The following PLAG1 variants were observed in gnomAD, a reference collection of about 807,000 sequenced individuals.
PLAG1 encodes the protein PLAG1 zinc finger.
A neutral mutation model predicts 35.5 loss-of-function variants in PLAG1; 7 were observed. That is an observed-to-expected ratio of 0.20 (90% confidence interval 0.11 to 0.37). The LOEUF (loss-of-function observed/expected upper bound fraction) is 0.37. Ranked by LOEUF, PLAG1 falls within the 10% of genes least tolerant of loss-of-function variation. The pLI is 1.00. For missense variants in PLAG1, 454 were observed against 602.8 expected (o/e 0.75, Z 2.58); for synonymous variants, 229 against 225.4 (o/e 1.02, Z -0.14).
intron 1 of PLAG1, among the ~76,000 whole-genome samples, chr8:56,199,229 A>T (rs898210527): frequency 1.3e-5 from 2 of 152,220 alleles, no homozygotes; most frequent in Non-Finnish European, 2.9e-5. Flanking sequence ...GAGGTGCCAG[A>T]GAAGGAACAG....
rs1032293714 is a variant in PLAG1, at chr8:56,203,559, C to T, written c.-322+7562G>A. Among the ~76,000 whole-genome samples the T allele has an allele frequency of 2.6e-5, 4 of 152,140 alleles. No individual in the cohort carries two copies. In the South Asian group the frequency reaches 8.3e-4, roughly 32 times the overall value. ...TTAAATCAGTTATTTGTTTGTATGACAGTAGCCCTGAGAATGCTCACGTTT... is the reference window on the plus strand; with the variant it reads ...TTAAATCAGTTATTTGTTTGTATGATAGTAGCCCTGAGAATGCTCACGTTT... On this transcript the variant is annotated intron_variant, in intron 1 of 4. Coordinates refer to ENST00000316981, the MANE Select transcript of PLAG1 (RefSeq NM_002655.3).
chr8:56,210,765 CAG>C (rs1477379824), intron 1 of PLAG1, among the ~76,000 whole-genome samples: 1 of 151,480 alleles, frequency 6.6e-6, no homozygotes, highest in East Asian at 1.9e-4. Flanking sequence ...TTCACAGCAC[CAG>C]AGAGGAGGAG....
At position 56,189,412 on chromosome 8, in the gene PLAG1, G is replaced by A. The variant is rs186684875; in HGVS notation, c.-321-9899C>T. Among the ~76,000 whole-genome samples the A allele has an allele frequency of 3.3e-5, 5 of 152,260 alleles. No homozygotes were observed. The East Asian group carries it at 9.6e-4, about 29-fold the overall frequency. ...TCCAGAAAGTTCGTCTTCCCCAACAGACCAGTATAGACCCCCTATCTGCAC... is the reference window on the plus strand; with the variant it reads ...TCCAGAAAGTTCGTCTTCCCCAACAAACCAGTATAGACCCCCTATCTGCAC... On this transcript the variant is annotated intron_variant, in intron 1 of 4. Coordinates refer to ENST00000316981, the MANE Select transcript of PLAG1 (RefSeq NM_002655.3).
intron 1 of PLAG1, among the ~76,000 whole-genome samples, chr8:56,200,414 T>C (rs571658548): frequency 2.0e-5 from 3 of 152,372 alleles, no homozygotes; most frequent in African/African-American, 4.8e-5. Context: ...CGGAGACCTC[T>C]GCGTGCAGCG....
chr8:56,163,565 G>A lies in PLAG1; in HGVS notation c.*2678C>T, dbSNP rs1811268929. 5.0e-6 allele frequency: 1 copy of A among 199,436 alleles called. No individual in the cohort carries two copies. Among genetic ancestry groups the A allele is most frequent in the African/African-American group, 2.3e-5 (1 of 43,300 alleles). 12.4% of individuals were successfully genotyped at this position (199,436 alleles called of 1,614,324 possible). On this transcript the variant is annotated 3_prime_UTR_variant, in exon 5 of 5. Coordinates refer to ENST00000316981, the MANE Select transcript of PLAG1 (RefSeq NM_002655.3). ...TGGGGGTGGGAACAGGCAAAGAGGT[G>A]TACACATGAAAATTAAGACTCCAAA...
chr8:56,195,192 A>AC (rs1812324233), intron 1 of PLAG1, among the ~76,000 whole-genome samples: 1 of 152,192 alleles, frequency 6.6e-6, no homozygotes, highest in African/African-American at 2.4e-5. Flanking sequence ...AAACCATTTG[A>AC]CCACTTGAAT....
At chr8:56,202,137 T>A (rs1323925952) in intron 1 of PLAG1, among the ~76,000 whole-genome samples, 1 of 152,166 alleles carries the variant, frequency 6.6e-6, no homozygotes, top group Non-Finnish European at 1.5e-5. Flanking sequence ...AAATGATGGA[T>A]GAGATAAAGT....
intron 1 of PLAG1, among the ~76,000 whole-genome samples, chr8:56,205,741 C>A (rs559562324): frequency 6.6e-6 from 1 of 151,912 alleles, no homozygotes; most frequent in South Asian, 2.1e-4. Flanking sequence ...TTCCTAACAC[C>A]TTCACATTGC....
intron 2 of PLAG1, among the ~76,000 whole-genome samples, chr8:56,172,350 T>C (rs1466774816): frequency 6.6e-6 from 1 of 152,184 alleles, no homozygotes; most frequent in Non-Finnish European, 1.5e-5. Flanking sequence ...TAAAGGTATT[T>C]TAAACATTAA....
At chr8:56,178,406 A>C (rs1811771175) in intron 2 of PLAG1, among the ~76,000 whole-genome samples, 1 of 152,184 alleles carries the variant, frequency 6.6e-6, no homozygotes. Flanking sequence ...AACCCCTAAC[A>C]CTAAAGATTT....
At chr8:56,188,621 G>A (rs1812090345) in intron 1 of PLAG1, among the ~76,000 whole-genome samples, 2 of 152,132 alleles carry the variant, frequency 1.3e-5, no homozygotes, top group African/African-American at 2.4e-5. Flanking sequence ...AAACTTTACT[G>A]ACAATGATCA....
intron 2 of PLAG1, among the ~76,000 whole-genome samples, chr8:56,179,023 C>CAAAAAAAAAAAA (rs1173709224): frequency 2.3e-5 from 1 of 42,942 alleles, no homozygotes; most frequent in Non-Finnish European, 4.4e-5. Flanking sequence ...GCCCAGGAGA[C>CAAAAAAAAAAAA]AAAAAAAAAA....
At chr8:56,206,685 A>C (rs1812710415) in intron 1 of PLAG1, among the ~76,000 whole-genome samples, 3 of 151,980 alleles carry the variant, frequency 2.0e-5, no homozygotes, top group African/African-American at 4.8e-5. Flanking sequence ...AACACTTACT[A>C]ATTGGTTAAA....
At chr8:56,207,850 G>A (rs2129236304) in intron 1 of PLAG1, among the ~76,000 whole-genome samples, 1 of 152,154 alleles carries the variant, frequency 6.6e-6, no homozygotes, top group Middle Eastern at 3.4e-3. Flanking sequence ...GACTCTCTAA[G>A]CGATTACAGA....
chr8:56,174,556 T>C (rs1811632582), intron 2 of PLAG1, among the ~76,000 whole-genome samples: 2 of 152,206 alleles, frequency 1.3e-5, no homozygotes, highest in Admixed American at 6.5e-5. Flanking sequence ...GCCAGTTTTA[T>C]TCACTGTTGT....
intron 1 of PLAG1, among the ~76,000 whole-genome samples, chr8:56,205,180 T>C (rs1302110042): frequency 6.6e-6 from 1 of 151,876 alleles, no homozygotes; most frequent in Admixed American, 6.6e-5. Flanking sequence ...TAGACTGAGG[T>C]TTTAAAATTT....
chr8:56,208,602 C>T (rs1020074380), intron 1 of PLAG1, among the ~76,000 whole-genome samples: 1 of 152,074 alleles, frequency 6.6e-6, no homozygotes, highest in Admixed American at 6.5e-5. Context: ...AAATTCAGCT[C>T]TAATTTTAAT....
intron 3 of PLAG1, among the ~76,000 whole-genome samples, chr8:56,170,258 A>C (rs1811487483): frequency 6.6e-6 from 1 of 152,348 alleles, no homozygotes; most frequent in Admixed American, 6.5e-5. Context: ...GCTGTTTAAA[A>C]GTGACATTAA....
chr8:56,186,937 A>T (rs1320197562), intron 1 of PLAG1, among the ~76,000 whole-genome samples: 1 of 152,082 alleles, frequency 6.6e-6, no homozygotes, highest in African/African-American at 2.4e-5. Flanking sequence ...GCTGGTCTCG[A>T]ACTCCTGACC....
Sources: allele counts gnomAD v4.1 joint callset (sites outside exome capture counted in the v4.1 genomes callset), GRCh38; gene constraint gnomAD v4.1.1; transcripts MANE v1.5; gene names NCBI Gene and HGNC (gene_info 2026-07-23, HGNC 2026-07-21).